Variants in DYNC2LI1 observed in about 807,000 individuals in gnomAD.
DYNC2LI1 encodes the protein cytoplasmic dynein 2 light intermediate chain 1.
Under a neutral mutation model 51.9 loss-of-function variants are expected in DYNC2LI1, and 45 were observed. The ratio of observed to expected loss-of-function variants is 0.87; its 90% CI spans 0.68 to 1.11. DYNC2LI1 has a LOEUF of 1.11. Among genes scored for constraint, DYNC2LI1 ranks in the 50% most tolerant of loss-of-function variants. The pLI, the probability that DYNC2LI1 is intolerant of heterozygous loss-of-function variation, is 0.00. For missense variants in DYNC2LI1, 490 were observed against 417.4 expected (o/e 1.17, Z -1.51); for synonymous variants, 130 against 137.8 (o/e 0.94, Z 0.40).
chr2:43,824,269 G>T, the DYNC2LI1 span: 6 of 1,614,064 alleles, frequency 3.7e-6, no homozygotes, highest in Non-Finnish European at 5.1e-6. Flanking sequence ...CTTTGGTTTT[G>T]AAAGGAACCA....
chr2:43,776,946 G>A, intron 2 of DYNC2LI1, 47 bp downstream of exon 2: 3 of 977,034 alleles, frequency 3.1e-6, no homozygotes, highest in Non-Finnish European at 3.2e-6. Context: ...AACAACCATT[G>A]GTAAAATATC....
rs370699588 is a variant in DYNC2LI1 at position 43,783,598 on chromosome 2, A to G, written c.161+44A>G. 1.6e-5 allele frequency: 21 copies of G among 1,318,520 alleles called. No individual in the cohort carries two copies. The African/African-American group carries it at 3.1e-4, about 19-fold the overall frequency. The allele number at this position is 1,318,520 out of a possible 1,614,324, so 81.7% of individuals were successfully genotyped here. ...TTTAAACTATATTTATGCTTATTCT[A>G]GTTGTATAGGGCAAGTTAGCTCTAA... is the stretch of plus-strand genomic sequence containing the variant. On this transcript the variant is annotated intron_variant, in intron 3 of 12. Transcript: ENST00000260605.
intron 2 of DYNC2LI1, among the ~76,000 whole-genome samples, chr2:43,779,771 A>T (rs1673189121): frequency 1.3e-5 from 2 of 152,248 alleles, no homozygotes; most frequent in African/African-American, 4.8e-5. Context: ...CAAATGGGAG[A>T]AAGATCATAC....
intron 2 of DYNC2LI1, among the ~76,000 whole-genome samples, chr2:43,782,873 T>C (rs1673355311): frequency 6.6e-6 from 1 of 152,070 alleles, no homozygotes; most frequent in Non-Finnish European, 1.5e-5. Flanking sequence ...TCCCAGCTAC[T>C]TGAGAGGGTG....
At chr2:43,794,296 ATGACTTTGGTTTTTTGTTTTTG>A in intron 5 of DYNC2LI1, 139 bp from the exon 6 acceptor site, 1 of 663,442 alleles carries the variant, frequency 1.5e-6, no homozygotes, top group Non-Finnish European at 2.5e-6. Context: ...AAATAAGGCT[ATGACTTTGGTTTTTTGTTTTTG>A]GGAGTCTTAG....
chr2:43,807,967 G>GT, intron 12 of DYNC2LI1, among the ~76,000 whole-genome samples: 1 of 152,110 alleles, frequency 6.6e-6, no homozygotes, highest in South Asian at 2.1e-4. Flanking sequence ...CATGGCCTGT[G>GT]TGATAGCCCT....
At chr2:43,782,106 A>G (rs1405449331) in intron 2 of DYNC2LI1, among the ~76,000 whole-genome samples, 1 of 151,868 alleles carries the variant, frequency 6.6e-6, no homozygotes, top group African/African-American at 2.4e-5. Context: ...TGAATGTTTT[A>G]CTATGTCAGT....
intron 3 of DYNC2LI1, among the ~76,000 whole-genome samples, 194 bp downstream of exon 3, chr2:43,783,748 G>C (rs2288707): frequency 6.6e-6 from 1 of 151,950 alleles, no homozygotes; most frequent in African/African-American, 2.4e-5. Context: ...AATTATATGA[G>C]ACTAATACTG....
chr2:43,786,795 C>T (rs1204989095), intron 3 of DYNC2LI1, among the ~76,000 whole-genome samples: 2 of 152,130 alleles, frequency 1.3e-5, no homozygotes, highest in Non-Finnish European at 2.9e-5. Flanking sequence ...CACTGCACTC[C>T]AGCCTGGGCG....
chr2:43,826,352 G>C, the DYNC2LI1 span: 1 of 1,613,328 alleles, frequency 6.2e-7, no homozygotes, highest in Non-Finnish European at 8.5e-7. Context: ...ACACACCATA[G>C]ACCCGGCCTT....
chr2:43,806,011 G>T (rs181394642), intron 12 of DYNC2LI1, among the ~76,000 whole-genome samples: 40 of 151,988 alleles, frequency 2.6e-4, no homozygotes, highest in African/African-American at 8.4e-4. Flanking sequence ...CTCCTGAGTG[G>T]CTGGGATTAC....
At chr2:43,821,232 TG>T in the DYNC2LI1 span, among the ~76,000 whole-genome samples, 5 of 152,268 alleles carry the variant, frequency 3.3e-5, no homozygotes, top group South Asian at 1.0e-3. Flanking sequence ...TCTTCTGTGA[TG>T]TTTAAAACAT....
At chr2:43,781,454 T>A (rs1235441944) in intron 2 of DYNC2LI1, among the ~76,000 whole-genome samples, 4 of 152,022 alleles carry the variant, frequency 2.6e-5, no homozygotes, top group African/African-American at 4.8e-5. Flanking sequence ...TGGCTAGATA[T>A]TATTTAAAAT....
chr2:43,795,910 A>C lies in DYNC2LI1; in HGVS notation c.528A>C (p.Pro176=). 1.2e-6 allele frequency: 2 copies of C among 1,613,230 alleles called. No homozygotes were observed. Among genetic ancestry groups the C allele is most frequent in the Non-Finnish European group, 1.7e-6 (2 of 1,179,402 alleles). ...AGCAGGATCATGAATTAATTGACCC[A>C]TTTCCGGTACCTCTGGTCATAATTG... ...KDHPDHELID[P]FPVPLVIIGS... Residue 176 remains proline (P), a synonymous_variant, in exon 7 of 13, where the codon CCA becomes CCC. Coordinates refer to ENST00000260605, the MANE Select transcript of DYNC2LI1 (RefSeq NM_016008.4).
the DYNC2LI1 span, among the ~76,000 whole-genome samples, chr2:43,820,468 C>G: frequency 4.6e-5 from 7 of 152,126 alleles, no homozygotes; most frequent in African/African-American, 1.4e-4. Context: ...CCACACCTAC[C>G]TAATGTTAAA....
chr2:43,824,313 T>A, the DYNC2LI1 span: 1 of 1,614,196 alleles, frequency 6.2e-7, no homozygotes, highest in South Asian at 1.1e-5. Context: ...ATTCTTTCAA[T>A]ATTCTTCAAA....
At chr2:43,777,010 A>G (rs1673057990) in intron 2 of DYNC2LI1, 111 bp downstream of exon 2, 3 of 585,378 alleles carry the variant, frequency 5.1e-6, no homozygotes, top group Non-Finnish European at 8.9e-6. Context: ...CAGATGACCA[A>G]TCTGGTTTAG....
At chr2:43,798,754 G>A (rs929244445) in intron 8 of DYNC2LI1, among the ~76,000 whole-genome samples, 3 of 152,280 alleles carry the variant, frequency 2.0e-5, no homozygotes, top group Non-Finnish European at 4.4e-5. Context: ...TTGGGTTAGT[G>A]GAGTACTTCT....
intron 3 of DYNC2LI1, among the ~76,000 whole-genome samples, chr2:43,785,410 G>T (rs553113107): frequency 1.3e-5 from 2 of 152,052 alleles, no homozygotes; most frequent in Non-Finnish European, 2.9e-5. Context: ...GAGGCATTAT[G>T]CTAAGTTAAA....
Sources: allele counts gnomAD v4.1 joint callset (sites outside exome capture counted in the v4.1 genomes callset), GRCh38; gene constraint gnomAD v4.1.1; transcripts MANE v1.5; gene names NCBI Gene and HGNC (gene_info 2026-07-23, HGNC 2026-07-21).